SPON1: variants seen among roughly 807,000 people sequenced by gnomAD.
SPON1 encodes the protein spondin 1, also known as spondin-1.
SPON1 carries 52 observed loss-of-function variants against 111.7 expected under a neutral mutation model. The observed-to-expected ratio is 0.47, with a 90% CI of 0.37 to 0.59. SPON1 has a LOEUF of 0.59. Among genes scored for constraint, SPON1 ranks in the 20% least tolerant of loss-of-function variants. SPON1 has a pLI of 0.00. For synonymous variants in SPON1, 410 were observed against 395.8 expected (o/e 1.04, Z -0.43); for missense variants, 957 against 1,068.5 (o/e 0.90, Z 1.46).
rs183409631 is a variant in SPON1, at chr11:14,180,401, A to G, written c.825+44833A>G. ...GCTTTGGCAATACTGGGCTCCTAGA[A>G]CTTCCTCCGCAGATATTTCATGCTC... is the stretch of plus-strand genomic sequence containing the variant. On this transcript the variant is annotated intron_variant, in intron 6 of 15. Coordinates refer to ENST00000576479, the MANE Select transcript of SPON1 (RefSeq NM_006108.4). Among the ~76,000 whole-genome samples the G allele has an allele frequency of 4.9e-4, 74 of 152,236 alleles. 1 individual carries two copies. In the East Asian group the frequency reaches 0.014, roughly 28 times the overall value.
At chr11:14,264,363 A>G (rs2133929746) in intron 15 of SPON1, among the ~76,000 whole-genome samples, 1 of 152,352 alleles carries the variant, frequency 6.6e-6, no homozygotes, top group African/African-American at 2.4e-5. Context: ...CCCAAGAGAA[A>G]GATTATACAT....
chr11:14,190,662 A>G (rs1320319733), intron 6 of SPON1, among the ~76,000 whole-genome samples: 2 of 130,812 alleles, frequency 1.5e-5, no homozygotes, highest in African/African-American at 5.9e-5. Context: ...TTTTTTTGAG[A>G]CAGAGTCTTG....
chr11:14,062,983 A>G (rs1848802836), intron 3 of SPON1, among the ~76,000 whole-genome samples: 1 of 151,842 alleles, frequency 6.6e-6, no homozygotes, highest in East Asian at 1.9e-4. Context: ...ATGAGGAGAT[A>G]GAGACTTCCC....
At chr11:14,236,303 G>C (rs782003802) in intron 6 of SPON1, among the ~76,000 whole-genome samples, 16 of 152,058 alleles carry the variant, frequency 1.1e-4, no homozygotes, top group Non-Finnish European at 2.4e-4. Flanking sequence ...AGGGTGTGCC[G>C]ATGGATCAGT....
At chr11:14,088,540 C>T (rs1218587852) in intron 5 of SPON1, among the ~76,000 whole-genome samples, 1 of 151,998 alleles carries the variant, frequency 6.6e-6, no homozygotes, top group African/African-American at 2.4e-5. Context: ...GTAACCTGAC[C>T]TTTCTCTCTG....
At chr11:14,221,581 C>T (rs1182494041) in intron 6 of SPON1, among the ~76,000 whole-genome samples, 2 of 106,112 alleles carry the variant, frequency 1.9e-5, no homozygotes, top group Non-Finnish European at 3.9e-5. Context: ...GCCAGATTTC[C>T]ACTCTAAGTG....
At chr11:13,965,665 G>A (rs1374475087) in intron 1 of SPON1, among the ~76,000 whole-genome samples, 1 of 152,166 alleles carries the variant, frequency 6.6e-6, no homozygotes, top group Admixed American at 6.5e-5. Context: ...AGATCTTGCA[G>A]GAACCATGCT....
intron 1 of SPON1, among the ~76,000 whole-genome samples, chr11:13,972,629 G>C (rs1313545053): frequency 6.6e-6 from 1 of 152,182 alleles, no homozygotes; most frequent in African/African-American, 2.4e-5. Context: ...TAGCTAAATA[G>C]TTTTGAAGTC....
chr11:14,053,652 T>C lies in SPON1; in HGVS notation c.479+11998T>C, dbSNP rs78363469. ...ATTAACTTTTCAGTCCCTATTTTTT[T>C]AACCAGGAGATAATTGGCATGTTGC... On this transcript the variant is annotated intron_variant, in intron 3 of 15. Coordinates refer to ENST00000576479, the MANE Select transcript of SPON1 (RefSeq NM_006108.4). Among the ~76,000 whole-genome samples, 385 of 152,346 alleles carry C rather than the reference T, an allele frequency of 2.5e-3. 1 individual carries two copies. Among genetic ancestry groups the C allele is most frequent in the African/African-American group, 8.8e-3 (366 of 41,570 alleles).
intron 6 of SPON1, among the ~76,000 whole-genome samples, chr11:14,195,566 C>CTA (rs1352708164): frequency 6.6e-6 from 1 of 152,186 alleles, no homozygotes; most frequent in African/African-American, 2.4e-5. Context: ...ATGTCAGGTC[C>CTA]TATACTTGGG....
chr11:14,200,773 C>G (rs1848452864), intron 6 of SPON1, among the ~76,000 whole-genome samples: 1 of 140,152 alleles, frequency 7.1e-6, no homozygotes, highest in African/African-American at 2.7e-5. Flanking sequence ...CAAGATCACG[C>G]CACTGCACTC....
At position 14,210,637 on chromosome 11, in the gene SPON1, A is replaced by T. The variant is rs182249774; in HGVS notation, c.826-32695A>T. ...CTGGTCTCAATCTCCTGACCTCGTG[A>T]TCCACCCACCTTGGCCTCCCAAAGT... is the stretch of plus-strand genomic sequence containing the variant. On this transcript the variant is annotated intron_variant, in intron 6 of 15. Coordinates refer to ENST00000576479, the MANE Select transcript of SPON1 (RefSeq NM_006108.4). Among the ~76,000 whole-genome samples the T allele has an allele frequency of 2.6e-4, 39 of 152,172 alleles. No individual in the cohort carries two copies. In the East Asian group the frequency reaches 7.2e-3, roughly 28 times the overall value.
At chr11:14,208,895 T>G (rs1350687398) in intron 6 of SPON1, among the ~76,000 whole-genome samples, 2 of 152,214 alleles carry the variant, frequency 1.3e-5, no homozygotes, top group Non-Finnish European at 2.9e-5. Context: ...TTTATAGTAC[T>G]GTAGTACTAG....
In SPON1 at chr11:13,971,232, A is replaced by T. The variant is rs186809950; in HGVS notation, c.238+8090A>T. ...ATGGCCTGTGTCCAGAGTGCAGACCACTGGGAGGGAAGAGAGAGCAGTTGC... is the reference window on the plus strand; with the variant it reads ...ATGGCCTGTGTCCAGAGTGCAGACCTCTGGGAGGGAAGAGAGAGCAGTTGC... On this transcript the variant is annotated intron_variant, in intron 1 of 15. Coordinates refer to ENST00000576479, the MANE Select transcript of SPON1 (RefSeq NM_006108.4). 3.0e-3 allele frequency among the ~76,000 whole-genome samples: 462 copies of T among 152,290 alleles called. 2 individuals are homozygous for T. Among genetic ancestry groups the T allele is most frequent in the Non-Finnish European group, 5.1e-3 (345 of 68,008 alleles).
At chr11:14,005,787 T>C (rs1392029666) in intron 2 of SPON1, among the ~76,000 whole-genome samples, 1 of 152,208 alleles carries the variant, frequency 6.6e-6, no homozygotes, top group African/African-American at 2.4e-5. Flanking sequence ...AAAGGGCTTC[T>C]GGACTTAGGG....
intron 6 of SPON1, among the ~76,000 whole-genome samples, chr11:14,141,290 G>A (rs1322707818): frequency 3.3e-5 from 5 of 152,282 alleles, no homozygotes; most frequent in Non-Finnish European, 7.3e-5. Flanking sequence ...GAAGGAGAGA[G>A]AACTTTTTGT....
chr11:14,253,476 A>C (rs1849073688), intron 7 of SPON1, among the ~76,000 whole-genome samples: 1 of 152,370 alleles, frequency 6.6e-6, no homozygotes, highest in Non-Finnish European at 1.5e-5. Flanking sequence ...CAGCTGTAAC[A>C]GGTGATACCA....
chr11:14,028,626 A>T (rs1848536329), intron 2 of SPON1, among the ~76,000 whole-genome samples: 1 of 152,144 alleles, frequency 6.6e-6, no homozygotes, highest in African/African-American at 2.4e-5. Context: ...GGCTCTAGGC[A>T]CTCAAGATGC....
intron 6 of SPON1, among the ~76,000 whole-genome samples, chr11:14,165,621 T>A (rs544308485): frequency 2.6e-5 from 4 of 152,336 alleles, no homozygotes; most frequent in African/African-American, 9.6e-5. Flanking sequence ...AAAGCATTAG[T>A]TTGGGGACTT....
Sources: allele counts gnomAD v4.1 joint callset (sites outside exome capture counted in the v4.1 genomes callset), GRCh38; gene constraint gnomAD v4.1.1; transcripts MANE v1.5; gene names NCBI Gene and HGNC (gene_info 2026-07-23, HGNC 2026-07-21).